Variants in NTM observed in about 807,000 individuals in gnomAD.
The protein encoded by NTM is neurotrimin.
A neutral mutation model predicts 42.1 loss-of-function variants in NTM; 13 were observed. The ratio of observed to expected loss-of-function variants is 0.31; its 90% CI spans 0.20 to 0.49. The LOEUF is 0.49. Ranked by LOEUF, NTM falls within the 20% of genes least tolerant of loss-of-function variation. The pLI is 0.99. For synonymous variants in NTM, 187 were observed against 179.2 expected, an observed-to-expected ratio of 1.04 and a Z score of -0.35; for missense variants, 373 against 452.8, an observed-to-expected ratio of 0.82 and a Z score of 1.60.
rs143229161 is a variant in NTM at position 131,698,383 on chromosome 11, A to C, written c.83-213181A>C. Among the ~76,000 whole-genome samples the C allele has an allele frequency of 3.4e-3, 523 of 152,168 alleles. 5 individuals are homozygous for C. Among genetic ancestry groups the C allele is most frequent in the African/African-American group, 0.012 (484 of 41,522 alleles). Reference sequence around the variant, plus strand: ...TTGTTCTCTTGCAATCATAATCATCACTAGCGACATCATCATCATCATGAT... The same window carrying C: ...TTGTTCTCTTGCAATCATAATCATCCCTAGCGACATCATCATCATCATGAT... On this transcript the variant is annotated intron_variant, in intron 1 of 8. Coordinates refer to ENST00000683400, the MANE Select transcript of NTM (RefSeq NM_001352005.2).
In NTM at chr11:132,122,246, A is replaced by G. The variant is rs144639857; in HGVS notation, c.168-24036A>G. On this transcript the variant is annotated intron_variant, in intron 2 of 8. Transcript: ENST00000683400. ...AAAGTGATCTCTGCCTGAGACTGGA[A>G]GAGAAATGAGATAAATAAACAAGGG... 2.0e-5 allele frequency among the ~76,000 whole-genome samples: 3 copies of G among 152,334 alleles called. No homozygotes were observed. The East Asian group carries it at 5.8e-4, about 29-fold the overall frequency.
intron 1 of NTM, among the ~76,000 whole-genome samples, chr11:131,524,132 G>A (rs1230297605): frequency 6.6e-6 from 1 of 152,216 alleles, no homozygotes; most frequent in Non-Finnish European, 1.5e-5. Flanking sequence ...GTCTCAGTTA[G>A]GCCTAGCAAT....
intron 1 of NTM, among the ~76,000 whole-genome samples, chr11:131,792,004 C>A (rs184803673): frequency 6.6e-6 from 1 of 152,024 alleles, no homozygotes; most frequent in Non-Finnish European, 1.5e-5. Flanking sequence ...ATAACTGATA[C>A]GTAATAATTG....
intron 1 of NTM, among the ~76,000 whole-genome samples, chr11:131,672,729 T>C (rs1191756082): frequency 6.6e-6 from 1 of 152,136 alleles, no homozygotes; most frequent in Non-Finnish European, 1.5e-5. Context: ...AGGGCCTCTG[T>C]GGAGGCTTAT....
rs572506142 is a variant in NTM, at chr11:131,683,070, A to C, written c.83-228494A>C. Among the ~76,000 whole-genome samples, 210 of 152,194 alleles carry C rather than the reference A, an allele frequency of 1.4e-3. 1 individual carries two copies. Among genetic ancestry groups the C allele is most frequent in the African/African-American group, 4.8e-3 (199 of 41,522 alleles). On this transcript the variant is annotated intron_variant, in intron 1 of 8. Transcript: ENST00000683400. ...AATTCTGTGGCGAAAATAACAACCC[A>C]CAGTCATCTGCACAGCAATTATTAT...
intron 1 of NTM, among the ~76,000 whole-genome samples, chr11:131,789,599 A>AGAAGGAGAAGGAGAAGG: frequency 1.4e-5 from 1 of 71,226 alleles, no homozygotes; most frequent in Non-Finnish European, 2.8e-5. Flanking sequence ...GAAGAAGAAG[A>AGAAGGAGAAGGAGAAGG]AGAAGAAGAA....
intron 1 of NTM, among the ~76,000 whole-genome samples, chr11:131,890,426 C>T (rs2051144160): frequency 6.6e-6 from 1 of 152,194 alleles, no homozygotes; most frequent in African/African-American, 2.4e-5. Flanking sequence ...CCACCAGCAG[C>T]CTGCTGAGTG....
intron 3 of NTM, among the ~76,000 whole-genome samples, chr11:132,148,328 G>A (rs554409574): frequency 6.6e-6 from 1 of 152,156 alleles, no homozygotes; most frequent in East Asian, 1.9e-4. Context: ...TATGGATAGG[G>A]AGGCCAAAAA....
intron 2 of NTM, among the ~76,000 whole-genome samples, chr11:132,044,018 A>G (rs531667993): frequency 1.4e-4 from 20 of 141,710 alleles, no homozygotes; most frequent in African/African-American, 5.2e-4. Flanking sequence ...GTGTGTGTAT[A>G]TATGTGTGTA....
At chr11:132,021,861 G>A (rs73586678) in intron 2 of NTM, among the ~76,000 whole-genome samples, 1 of 152,202 alleles carries the variant, frequency 6.6e-6, no homozygotes, top group African/African-American at 2.4e-5. Flanking sequence ...TTCCTACTGA[G>A]TCCTGTCATG....
At chr11:132,293,292 G>A (rs1288961485) in intron 4 of NTM, among the ~76,000 whole-genome samples, 1 of 152,122 alleles carries the variant, frequency 6.6e-6, no homozygotes, top group South Asian at 2.1e-4. Flanking sequence ...AGTTTAACTG[G>A]AAAACAAAGA....
intron 1 of NTM, among the ~76,000 whole-genome samples, chr11:131,737,159 G>C (rs1197091413): frequency 6.6e-6 from 1 of 152,194 alleles, no homozygotes; most frequent in Admixed American, 6.5e-5. Flanking sequence ...ATCTTGTGAG[G>C]CATCCCACAT....
At chr11:131,397,243 C>T (rs951593247) in intron 1 of NTM, among the ~76,000 whole-genome samples, 3 of 152,114 alleles carry the variant, frequency 2.0e-5, no homozygotes, top group African/African-American at 7.2e-5. Context: ...CCTTTGGAAC[C>T]ATACACTTGA....
intron 2 of NTM, among the ~76,000 whole-genome samples, chr11:132,054,286 T>C (rs1367002012): frequency 6.6e-6 from 1 of 151,368 alleles, no homozygotes; most frequent in Non-Finnish European, 1.5e-5. Flanking sequence ...CAAAAGGGCC[T>C]GAGATTTGCT....
intron 1 of NTM, among the ~76,000 whole-genome samples, chr11:131,814,648 A>G (rs1284322347): frequency 3.3e-5 from 5 of 152,194 alleles, no homozygotes; most frequent in Non-Finnish European, 7.4e-5. Flanking sequence ...AAGTAAACAG[A>G]CAACTGGAGT....
At chr11:131,987,456 C>G (rs967251212) in intron 2 of NTM, among the ~76,000 whole-genome samples, 2 of 151,762 alleles carry the variant, frequency 1.3e-5, no homozygotes, top group Non-Finnish European at 2.9e-5. Context: ...CATCCCATCA[C>G]TTTTATCTTT....
chr11:131,507,170 T>G (rs941413635), intron 1 of NTM, among the ~76,000 whole-genome samples: 1 of 152,356 alleles, frequency 6.6e-6, no homozygotes, highest in African/African-American at 2.4e-5. Context: ...CTTAAACAAC[T>G]TGTTGCAGGG....
intron 3 of NTM, among the ~76,000 whole-genome samples, chr11:132,198,082 C>G (rs1352348776): frequency 3.3e-5 from 5 of 152,154 alleles, no homozygotes; most frequent in African/African-American, 1.2e-4. Context: ...ACCCTGACTT[C>G]CACAATGGTT....
intron 2 of NTM, among the ~76,000 whole-genome samples, chr11:131,969,947 C>T (rs1033529556): frequency 1.3e-5 from 2 of 152,232 alleles, no homozygotes; most frequent in Non-Finnish European, 2.9e-5. Context: ...TGCAGAGTAG[C>T]AGGGACCACA....
Sources: allele counts gnomAD v4.1 joint callset (sites outside exome capture counted in the v4.1 genomes callset), GRCh38; gene constraint gnomAD v4.1.1; transcripts MANE v1.5; gene names NCBI Gene and HGNC (gene_info 2026-07-23, HGNC 2026-07-21).